WDPCP: variants seen among roughly 807,000 people sequenced by gnomAD.
WDPCP encodes WD repeat containing planar cell polarity effector.
In WDPCP, 71 loss-of-function variants were observed where a neutral mutation model predicts 93.1. The ratio of observed to expected loss-of-function variants is 0.76; its 90% confidence interval spans 0.63 to 0.93. The LOEUF (loss-of-function observed/expected upper bound fraction) is 0.93. Ranked by LOEUF, WDPCP falls within the 40% of genes least tolerant of loss-of-function variation. WDPCP has a pLI of 0.00. For synonymous variants in WDPCP, 315 were observed against 315.0 expected, an observed-to-expected ratio of 1.00 and a Z score of 0.00; for missense variants, 844 against 887.4, an observed-to-expected ratio of 0.95 and a Z score of 0.62.
chr2:63,818,315 G>A (rs974531717), intron 1 of WDPCP, among the ~76,000 whole-genome samples: 15 of 152,174 alleles, frequency 9.9e-5, no homozygotes, highest in African/African-American at 3.4e-4. Context: ...GAAAGTCAAA[G>A]CTATCAGCCA....
chr2:63,708,958 C>T (rs532365298), intron 2 of WDPCP, among the ~76,000 whole-genome samples: 47 of 149,074 alleles, frequency 3.2e-4, no homozygotes, highest in African/African-American at 1.0e-3. Context: ...CGGGCACTCA[C>T]GCCTGTAATC....
intron 1 of WDPCP, among the ~76,000 whole-genome samples, chr2:63,547,103 G>C (rs573930539): frequency 1.3e-5 from 2 of 152,000 alleles, no homozygotes; most frequent in South Asian, 2.1e-4. Context: ...ATGATGAAAA[G>C]ACATATCTCA....
chr2:63,698,956 T>C (rs1045997884), intron 2 of WDPCP, among the ~76,000 whole-genome samples: 14 of 152,098 alleles, frequency 9.2e-5, no homozygotes, highest in African/African-American at 3.4e-4. Context: ...TCCAGCCCAG[T>C]CTGGATTTCC....
chr2:63,676,447 C>A (rs886681776), intron 2 of WDPCP, among the ~76,000 whole-genome samples: 3 of 151,996 alleles, frequency 2.0e-5, no homozygotes, highest in African/African-American at 7.2e-5. Flanking sequence ...ACAGACCAGC[C>A]CTTATAGCAG....
intron 6 of WDPCP, among the ~76,000 whole-genome samples, chr2:63,475,456 T>C (rs1239455931): frequency 6.6e-6 from 1 of 152,158 alleles, no homozygotes; most frequent in African/African-American, 2.4e-5. Flanking sequence ...CTTTAGATAC[T>C]GTATCAACAA....
intron 12 of WDPCP, among the ~76,000 whole-genome samples, chr2:63,354,714 ATGTG>A (rs150962868): frequency 1.7e-4 from 26 of 149,902 alleles, no homozygotes; most frequent in Admixed American, 4.0e-4. Flanking sequence ...GTATATATGT[ATGTG>A]TGTGTGTGTG....
chr2:63,568,597 C>A (rs1447925426), intron 1 of WDPCP, among the ~76,000 whole-genome samples: 1 of 152,190 alleles, frequency 6.6e-6, no homozygotes, highest in African/African-American at 2.4e-5. Flanking sequence ...GAGACAGGGT[C>A]ATTTATAACC....
At chr2:63,558,915 C>T (rs1408387425) in intron 1 of WDPCP, among the ~76,000 whole-genome samples, 2 of 152,196 alleles carry the variant, frequency 1.3e-5, no homozygotes, top group Non-Finnish European at 2.9e-5. Flanking sequence ...GGAGGAACTC[C>T]TCCCTAACTC....
At chr2:63,765,950 A>G (rs1670131761) in intron 2 of WDPCP, among the ~76,000 whole-genome samples, 1 of 152,236 alleles carries the variant, frequency 6.6e-6, no homozygotes, top group Non-Finnish European at 1.5e-5. Flanking sequence ...GCTTCCTATC[A>G]GATATTTGGG....
intron 3 of WDPCP, chr2:63,604,622 A>G: frequency 2.6e-6 from 3 of 1,164,958 alleles, no homozygotes; most frequent in South Asian, 1.5e-5. Flanking sequence ...ATTTAAGGGC[A>G]TTTGTCAAAA....
intron 2 of WDPCP, among the ~76,000 whole-genome samples, chr2:63,750,354 A>G (rs1669862308): frequency 6.6e-6 from 1 of 152,148 alleles, no homozygotes; most frequent in African/African-American, 2.4e-5. Flanking sequence ...AGGCAAGCCT[A>G]TCTAAACTCA....
At chr2:63,332,033 G>A (rs139614013) in intron 12 of WDPCP, among the ~76,000 whole-genome samples, 18 of 151,616 alleles carry the variant, frequency 1.2e-4, no homozygotes, top group African/African-American at 4.4e-4. Context: ...AAGTATTCAT[G>A]TATAAGTTCT....
chr2:63,317,276 C>T (rs964176526), intron 12 of WDPCP, among the ~76,000 whole-genome samples: 11 of 151,780 alleles, frequency 7.2e-5, no homozygotes, highest in Admixed American at 2.0e-4. Flanking sequence ...GGCGTGGTGG[C>T]GGGCACCTGT....
intron 2 of WDPCP, among the ~76,000 whole-genome samples, chr2:63,669,746 T>G (rs570559552): frequency 2.0e-5 from 3 of 152,298 alleles, no homozygotes; most frequent in Admixed American, 2.0e-4. Context: ...AAAACCCCAG[T>G]GTTGTGCTTA....
At chr2:63,816,139 T>A (rs558014974) in intron 1 of WDPCP, among the ~76,000 whole-genome samples, 25 of 152,242 alleles carry the variant, frequency 1.6e-4, no homozygotes, top group Non-Finnish European at 8.8e-5. Context: ...TGGGTAATTA[T>A]CACTAAAAAG....
intron 1 of WDPCP, among the ~76,000 whole-genome samples, chr2:63,526,480 A>T (rs1440153152): frequency 6.6e-6 from 1 of 152,178 alleles, no homozygotes; most frequent in Non-Finnish European, 1.5e-5. Flanking sequence ...ACAGGGGAGT[A>T]ACAAAGGTTA....
chr2:63,214,535 T>C (rs1276857406), intron 14 of WDPCP, among the ~76,000 whole-genome samples: 1 of 152,140 alleles, frequency 6.6e-6, no homozygotes, highest in East Asian at 1.9e-4. Flanking sequence ...GGGCAAAAAC[T>C]GGAAGCATTC....
At chr2:63,209,032 G>GT (rs1352851393) in intron 14 of WDPCP, among the ~76,000 whole-genome samples, 3 of 152,168 alleles carry the variant, frequency 2.0e-5, no homozygotes, top group Admixed American at 1.3e-4. Context: ...ACAGCCAGAA[G>GT]TAACAGCCCA....
At chr2:63,156,087 C>T (rs1235507348) in intron 15 of WDPCP, among the ~76,000 whole-genome samples, 1 of 152,030 alleles carries the variant, frequency 6.6e-6, no homozygotes, top group Non-Finnish European at 1.5e-5. Flanking sequence ...GCAACCTCCG[C>T]CCCCCGGATT....
Sources: allele counts gnomAD v4.1 joint callset (sites outside exome capture counted in the v4.1 genomes callset), GRCh38; gene constraint gnomAD v4.1.1; transcripts MANE v1.5; gene names NCBI Gene and HGNC (gene_info 2026-07-23, HGNC 2026-07-21).